Variants in ROBO1 observed in about 807,000 individuals in gnomAD.
ROBO1 encodes the protein roundabout homolog 1.
ROBO1 carries 149 observed loss-of-function variants against 195.9 expected under a neutral mutation model. The observed-to-expected ratio is 0.76, with a 90% CI of 0.67 to 0.87. The LOEUF is 0.87. Ranked by LOEUF, ROBO1 falls within the 40% of genes least tolerant of loss-of-function variation. The pLI is 0.00. For synonymous variants in ROBO1, 816 were observed against 733.2 expected (o/e 1.11, Z -1.82); for missense variants, 1,933 against 2,068.3 (o/e 0.93, Z 1.27).
intron 4 of ROBO1, among the ~76,000 whole-genome samples, chr3:78,772,717 G>A (rs746666772): frequency 2.0e-5 from 3 of 151,902 alleles, no homozygotes; most frequent in Non-Finnish European, 4.4e-5. Flanking sequence ...CTACTTCTCA[G>A]GCCTCTACTC....
At chr3:78,877,852 TA>T (rs1448844999) in intron 4 of ROBO1, among the ~76,000 whole-genome samples, 1 of 152,220 alleles carries the variant, frequency 6.6e-6, no homozygotes, top group Non-Finnish European at 1.5e-5. Context: ...AACATTAGTA[TA>T]AAATTGTCTC....
intron 4 of ROBO1, among the ~76,000 whole-genome samples, chr3:78,891,261 G>A (rs1284559751): frequency 6.6e-6 from 1 of 152,038 alleles, no homozygotes; most frequent in Non-Finnish European, 1.5e-5. Flanking sequence ...AAAACAATAG[G>A]CAAAAGAAAT....
chr3:78,781,060 T>C (rs1415474976), intron 4 of ROBO1, among the ~76,000 whole-genome samples: 1 of 152,168 alleles, frequency 6.6e-6, no homozygotes, highest in African/African-American at 2.4e-5. Context: ...GGATACCTCA[T>C]ATAGTTGAAC....
chr3:78,818,401 G>A (rs2030394699), intron 4 of ROBO1, among the ~76,000 whole-genome samples: 1 of 152,200 alleles, frequency 6.6e-6, no homozygotes, highest in East Asian at 1.9e-4. Flanking sequence ...CTGGGAGGTT[G>A]CCCACAGTGA....
At chr3:78,707,534 T>G (rs2081581774) in intron 8 of ROBO1, among the ~76,000 whole-genome samples, 1 of 152,220 alleles carries the variant, frequency 6.6e-6, no homozygotes, top group Non-Finnish European at 1.5e-5. Context: ...AGCAACATAA[T>G]TCATGATACT....
intron 3 of ROBO1, among the ~76,000 whole-genome samples, chr3:78,963,684 A>AT (rs1283602343): frequency 1.3e-5 from 2 of 151,126 alleles, no homozygotes; most frequent in Admixed American, 6.6e-5. Flanking sequence ...CGCCTGGCTA[A>AT]TTTTTTGTAT....
At chr3:78,748,488 T>G (rs1054027999) in intron 4 of ROBO1, among the ~76,000 whole-genome samples, 3 of 152,014 alleles carry the variant, frequency 2.0e-5, no homozygotes, top group African/African-American at 7.2e-5. Context: ...ATTGAATTTT[T>G]AAAAGAATAT....
At chr3:78,872,207 T>C in intron 4 of ROBO1, among the ~76,000 whole-genome samples, 1 of 152,196 alleles carries the variant, frequency 6.6e-6, no homozygotes, top group Middle Eastern at 3.2e-3. Flanking sequence ...GACTACTTGT[T>C]CTGACCATCC....
chr3:79,195,876 C>A (rs2081623864), intron 2 of ROBO1, among the ~76,000 whole-genome samples: 1 of 151,046 alleles, frequency 6.6e-6, no homozygotes. Flanking sequence ...CATATCTTTT[C>A]TATTAATTGT....
At chr3:78,783,900 T>C (rs67703869) in intron 4 of ROBO1, among the ~76,000 whole-genome samples, 37,748 of 152,012 alleles carry the variant, frequency 0.25, 4,836 homozygotes, top group Non-Finnish European at 0.27. Flanking sequence ...GAATAATACA[T>C]TGCTTCTCAA....
At chr3:78,799,362 A>G (rs1199458814) in intron 4 of ROBO1, among the ~76,000 whole-genome samples, 9 of 150,590 alleles carry the variant, frequency 6.0e-5, no homozygotes, top group African/African-American at 2.2e-4. Flanking sequence ...TTTTTTTTGA[A>G]ACGGAGTCTC....
At chr3:78,858,704 G>A (rs1436572438) in intron 4 of ROBO1, among the ~76,000 whole-genome samples, 1 of 151,754 alleles carries the variant, frequency 6.6e-6, no homozygotes, top group Non-Finnish European at 1.5e-5. Flanking sequence ...TCTCACCACT[G>A]CACTTCATCC....
At chr3:79,602,970 A>C (rs2107875017) in intron 1 of ROBO1, among the ~76,000 whole-genome samples, 1 of 152,106 alleles carries the variant, frequency 6.6e-6, no homozygotes, top group Admixed American at 6.6e-5. Context: ...TAAATACATA[A>C]CTATTCATCT....
At chr3:79,410,328 G>T (rs35266188) in intron 2 of ROBO1, among the ~76,000 whole-genome samples, 2,118 of 152,216 alleles carry the variant, frequency 0.014, 38 homozygotes, top group African/African-American at 0.047. Context: ...CAATGTGTGG[G>T]ATAAATCTAA....
intron 2 of ROBO1, among the ~76,000 whole-genome samples, chr3:79,297,907 G>T (rs752098409): frequency 2.4e-4 from 37 of 151,990 alleles, no homozygotes; most frequent in Non-Finnish European, 4.9e-4. Context: ...TGTTGTCATG[G>T]AATGCAACTA....
intron 4 of ROBO1, among the ~76,000 whole-genome samples, chr3:78,757,433 G>GCACACACACACA (rs34283910): frequency 6.7e-6 from 1 of 149,764 alleles, no homozygotes; most frequent in African/African-American, 2.5e-5. Flanking sequence ...ATGCGCACAT[G>GCACACACACACA]CACACACACA....
intron 2 of ROBO1, among the ~76,000 whole-genome samples, chr3:79,262,588 G>A (rs1250690491): frequency 6.6e-6 from 1 of 151,652 alleles, no homozygotes; most frequent in Non-Finnish European, 1.5e-5. Context: ...TGAAGCAATA[G>A]GAAAGGGAAA....
At chr3:78,899,620 CA>C (rs1359610318) in intron 4 of ROBO1, among the ~76,000 whole-genome samples, 2 of 152,026 alleles carry the variant, frequency 1.3e-5, no homozygotes, top group Non-Finnish European at 2.9e-5. Flanking sequence ...AAATATGCTT[CA>C]AAAATAAATT....
intron 3 of ROBO1, among the ~76,000 whole-genome samples, chr3:79,099,370 T>C (rs976596083): frequency 1.3e-5 from 2 of 151,702 alleles, no homozygotes; most frequent in African/African-American, 2.4e-5. Context: ...AAATTAACAA[T>C]TACTTGATGT....
Sources: allele counts gnomAD v4.1 joint callset (sites outside exome capture counted in the v4.1 genomes callset), GRCh38; gene constraint gnomAD v4.1.1; transcripts MANE v1.5; gene names NCBI Gene and HGNC (gene_info 2026-07-23, HGNC 2026-07-21).